ADGRE3: variants seen among roughly 807,000 people sequenced by gnomAD.
ADGRE3 encodes adhesion G protein-coupled receptor E3, also known as EGF-like module receptor 3.
ADGRE3 carries 88 observed loss-of-function variants against 80.1 expected under a neutral mutation model. The ratio of observed to expected loss-of-function variants is 1.10; its 90% CI spans 0.93 to 1.31. The LOEUF (loss-of-function observed/expected upper bound fraction) is 1.31. Ranked by LOEUF, ADGRE3 falls within the 40% of genes most tolerant of loss-of-function variation. The probability of loss-of-function intolerance (pLI) is 0.00; values close to 1 mark genes in which losing one functional copy is unlikely to be tolerated. For synonymous variants in ADGRE3, 281 were observed against 294.8 expected (o/e 0.95, Z 0.48); for missense variants, 715 against 776.5 (o/e 0.92, Z 0.94).
In ADGRE3 at chr19:14,625,408, C is replaced by CA. The variant is rs528213157; in HGVS notation, c.1920+83dup. The CA allele has an allele frequency of 2.4e-4, 223 of 937,614 alleles. No individual in the cohort carries two copies. In the African/African-American group the frequency reaches 2.4e-3, roughly 10 times the overall value. 58.1% of individuals were successfully genotyped at this position (937,614 alleles called of 1,614,324 possible). ...AAAAACAAAAACAAAAACAAACAAA[C>CA]AAAAAAATCCCAAACTAGAGGAAGT... is the stretch of plus-strand genomic sequence containing the variant. On this transcript the variant is annotated intron_variant, in intron 15 of 15. Coordinates refer to ENST00000253673, the MANE Select transcript of ADGRE3 (RefSeq NM_032571.5).
intron 15 of ADGRE3, among the ~76,000 whole-genome samples, chr19:14,620,541 ATATATAT>A (rs1292889800): frequency 0.011 from 168 of 14,774 alleles, 25 homozygotes; most frequent in African/African-American, 0.051. Context: ...TATATTTTAT[ATATATAT>A]TATATATATA....
chr19:14,653,485 C>T (rs570909998), intron 6 of ADGRE3, among the ~76,000 whole-genome samples: 2 of 151,836 alleles, frequency 1.3e-5, no homozygotes, highest in East Asian at 1.9e-4. Flanking sequence ...CAATTACTAC[C>T]GTAGTTTTTC....
At chr19:14,620,367 CT>C (rs1970504811) in intron 15 of ADGRE3, among the ~76,000 whole-genome samples, 1 of 43,156 alleles carries the variant, frequency 2.3e-5, no homozygotes, top group Non-Finnish European at 5.0e-5. Flanking sequence ...TAATGTATTT[CT>C]TAAAGAGAGA....
In ADGRE3 at chr19:14,633,431, G is replaced by T. The variant is rs74728101; in HGVS notation, c.1485-129C>A. 646 of 646,224 alleles carry T rather than the reference G, an allele frequency of 1.0e-3. 9 individuals carry two copies. The East Asian group carries it at 0.018, about 18-fold the overall frequency. 40.0% of individuals were successfully genotyped at this position (646,224 alleles called of 1,614,324 possible). A position where few individuals can be genotyped will look rare whatever the true frequency, so the allele number is the denominator to read the frequency against. ...TGAAAGTCAGCTGATGACAGGCCAG[G>T]CACGGTGGCTCACGCCTGTAATCCC... is the stretch of plus-strand genomic sequence containing the variant. On this transcript the variant is annotated intron_variant, in intron 11 of 15. Transcript: ENST00000253673.
chr19:14,666,116 C>A (rs1350924303), intron 2 of ADGRE3, among the ~76,000 whole-genome samples: 6 of 150,468 alleles, frequency 4.0e-5, no homozygotes, highest in Non-Finnish European at 7.4e-5. Context: ...GGATAGATAC[C>A]CAGTAGTGGG....
At chr19:14,641,389 A>G (rs1971242209) in intron 10 of ADGRE3, 30 bp downstream of exon 10, 1 of 1,613,738 alleles carries the variant, frequency 6.2e-7, no homozygotes, top group Non-Finnish European at 8.5e-7. Context: ...CTTGGGGCAG[A>G]AAGGGCATCC....
chr19:14,607,148 C>T, the ADGRE3 span: 11 of 933,374 alleles, frequency 1.2e-5, no homozygotes, highest in South Asian at 3.8e-5. Flanking sequence ...CTCTGTGGGC[C>T]CTGACCATGG....
chr19:14,643,144 G>GT (rs373306807), intron 9 of ADGRE3, among the ~76,000 whole-genome samples: 8,222 of 123,752 alleles, frequency 0.066, 401 homozygotes, highest in East Asian at 0.12. Flanking sequence ...AGTAATCATG[G>GT]TTTTTTTTTT....
At chr19:14,652,207 TG>T (rs1310992663) in intron 6 of ADGRE3, among the ~76,000 whole-genome samples, 1 of 152,154 alleles carries the variant, frequency 6.6e-6, no homozygotes, top group East Asian at 1.9e-4. Flanking sequence ...AATTTGATTG[TG>T]GTGATCATTC....
At chr19:14,604,734 G>A in the ADGRE3 span, among the ~76,000 whole-genome samples, 1 of 151,938 alleles carries the variant, frequency 6.6e-6, no homozygotes, top group Non-Finnish European at 1.5e-5. Context: ...CTGCATTCCA[G>A]TCTGGGAGAC....
chr19:14,663,428 C>G lies in ADGRE3; in HGVS notation c.189G>C (p.Glu63Asp). 3 of 1,603,836 alleles carry G rather than the reference C, an allele frequency of 1.9e-6. No individual in the cohort carries two copies. Among genetic ancestry groups the G allele is most frequent in the Non-Finnish European group, 2.6e-6 (3 of 1,172,776 alleles). Residue 63 changes from glutamate to aspartate, a missense_variant, in exon 3 of 16, where the codon GAG becomes GAC. Coordinates refer to ENST00000253673, the MANE Select transcript of ADGRE3 (RefSeq NM_032571.5). Reference protein sequence around the residue: ...SGQKLFTFPLETCNDINECTP... With the variant: ...SGQKLFTFPLDTCNDINECTP... ...ATAATACTTCTTTACCGTTACATGT[C>G]TCCAAGGGGAATGTGAATAGTTTCT... is the stretch of plus-strand genomic sequence containing the variant.
chr19:14,606,704 C>T, the ADGRE3 span, among the ~76,000 whole-genome samples: 1 of 151,258 alleles, frequency 6.6e-6, no homozygotes, highest in Admixed American at 6.6e-5. Context: ...AAAAGTTAAT[C>T]CTCACAACAC....
chr19:14,628,067 G>A (rs920689117), intron 14 of ADGRE3, among the ~76,000 whole-genome samples: 16 of 152,096 alleles, frequency 1.1e-4, no homozygotes, highest in African/African-American at 2.9e-4. Context: ...GGCAGATGTC[G>A]TGGTGGGCTG....
intron 14 of ADGRE3, among the ~76,000 whole-genome samples, chr19:14,629,217 C>A (rs929347594): frequency 6.6e-6 from 1 of 152,208 alleles, no homozygotes; most frequent in Non-Finnish European, 1.5e-5. Context: ...AGCCACTGCA[C>A]CCTGCCGATT....
At chr19:14,659,273 C>T (rs1485487355) in intron 4 of ADGRE3, among the ~76,000 whole-genome samples, 2 of 151,932 alleles carry the variant, frequency 1.3e-5, no homozygotes, top group Non-Finnish European at 2.9e-5. Context: ...AAATTCCTGA[C>T]CTCAGGCAAT....
chr19:14,601,117 G>C, the ADGRE3 span, among the ~76,000 whole-genome samples: 1 of 151,296 alleles, frequency 6.6e-6, no homozygotes, highest in South Asian at 2.1e-4. Context: ...TGGCCAGGCT[G>C]TTCTCGAACT....
chr19:14,632,876 T>G, intron 13 of ADGRE3, 45 bp downstream of exon 13: 1 of 1,316,204 alleles, frequency 7.6e-7, no homozygotes, highest in African/African-American at 1.4e-5. Context: ...TAGGAAGGAC[T>G]GGCAGAAGGA....
chr19:14,601,277 A>G, the ADGRE3 span, among the ~76,000 whole-genome samples: 1 of 152,158 alleles, frequency 6.6e-6, no homozygotes, highest in African/African-American at 2.4e-5. Flanking sequence ...GGGAAATCAT[A>G]CATTGACTGT....
intron 13 of ADGRE3, 131 bp downstream of exon 13, chr19:14,632,790 C>A: frequency 3.5e-6 from 2 of 569,404 alleles, no homozygotes; most frequent in South Asian, 2.1e-5. Flanking sequence ...TTCTCATTAA[C>A]TGTGATGGTG....
Sources: allele counts gnomAD v4.1 joint callset (sites outside exome capture counted in the v4.1 genomes callset), GRCh38; gene constraint gnomAD v4.1.1; transcripts MANE v1.5; gene names NCBI Gene and HGNC (gene_info 2026-07-23, HGNC 2026-07-21).